TEX14: variants seen among roughly 807,000 people sequenced by gnomAD.
The protein encoded by TEX14 is testis expressed 14, intercellular bridge forming factor, also known as inactive serine/threonine-protein kinase TEX14.
Under a neutral mutation model 178.6 loss-of-function variants are expected in TEX14, and 168 were observed. That is an observed-to-expected ratio of 0.94 (90% CI 0.83 to 1.07). The LOEUF is 1.07. Ranked by LOEUF, TEX14 falls within the 50% of genes least tolerant of loss-of-function variation. The probability of loss-of-function intolerance (pLI) is 0.00; values close to 1 mark genes in which losing one functional copy is unlikely to be tolerated. For missense variants in TEX14, 1,730 were observed against 1,753.6 expected (o/e 0.99, Z 0.24); for synonymous variants, 626 against 634.1 (o/e 0.99, Z 0.19).
chr17:58,616,950 C>T (rs373421046), intron 6 of TEX14, among the ~76,000 whole-genome samples: 65 of 152,280 alleles, frequency 4.3e-4, no homozygotes, highest in Middle Eastern at 6.8e-3. Flanking sequence ...CTCAACACAA[C>T]AAACAGAACG....
At chr17:58,564,473 T>A (rs190872833) in intron 28 of TEX14, among the ~76,000 whole-genome samples, 45 of 152,094 alleles carry the variant, frequency 3.0e-4, no homozygotes, top group Non-Finnish European at 5.9e-4. Context: ...GTCAAACTCA[T>A]AGAAACAAAA....
intron 9 of TEX14, among the ~76,000 whole-genome samples, chr17:58,612,179 A>T (rs1567735050): frequency 1.3e-5 from 2 of 152,152 alleles, no homozygotes; most frequent in Non-Finnish European, 2.9e-5. Flanking sequence ...TATAGAAAAA[A>T]CTGGGAGAGA....
At chr17:58,615,433 G>T (rs1381524765) in intron 7 of TEX14, 88 bp from the exon 8 acceptor site, 2 of 848,962 alleles carry the variant, frequency 2.4e-6, no homozygotes, top group Non-Finnish European at 4.0e-6. Flanking sequence ...AAGGACCAGA[G>T]AAATGGTCTC....
In TEX14 at chr17:58,683,804, C is replaced by T. The variant is rs534853100; in HGVS notation, c.-2+8135G>A. Among the ~76,000 whole-genome samples the T allele has an allele frequency of 1.0e-3, 158 of 151,266 alleles. 1 individual carries two copies. Among genetic ancestry groups the T allele is most frequent in the African/African-American group, 3.5e-3 (145 of 41,194 alleles). ...AGACTTGGTCAGGTGGAGTGGTTCC[C>T]GCCTGTAATCCCAGCACTTTGGGAG... On this transcript the variant is annotated intron_variant, in intron 1 of 31. Coordinates refer to ENST00000349033, the MANE Select transcript of TEX14 (RefSeq NM_031272.5).
chr17:58,654,248 A>C (rs2046902086), intron 1 of TEX14, among the ~76,000 whole-genome samples: 1 of 152,108 alleles, frequency 6.6e-6, no homozygotes, highest in Admixed American at 6.5e-5. Flanking sequence ...GCAAAAACAA[A>C]CCCATTAAGA....
chr17:58,602,558 C>T lies in TEX14; in HGVS notation c.1369G>A (p.Val457Ile). Residue 457 changes from valine (V) to isoleucine (I), a missense_variant, in exon 12 of 32, where the codon GTT (valine) becomes ATT (isoleucine). Val to Ile is a conservative substitution (Grantham distance 29). This residue lies in a region of TEX14 where 789 missense variants were observed against 681.2 expected (regional missense o/e 1.16). Coordinates refer to ENST00000349033, the MANE Select transcript of TEX14 (RefSeq NM_031272.5). ...CCCGAGACTACGGCTTTTTTAACAACTGAGCCATCTAAGCCCTTCCAGGGT... is the reference window on the plus strand; with the variant it reads ...CCCGAGACTACGGCTTTTTTAACAATTGAGCCATCTAAGCCCTTCCAGGGT... ...DIPWKGLDGS[V>I]VKKAVVSGNY... 6.2e-7 allele frequency: 1 copy of T among 1,613,900 alleles called. No homozygotes were observed. Among genetic ancestry groups the T allele is most frequent in the Non-Finnish European group, 8.5e-7 (1 of 1,179,988 alleles).
chr17:58,640,011 AT>A (rs1469791307), intron 2 of TEX14, among the ~76,000 whole-genome samples: 1 of 152,162 alleles, frequency 6.6e-6, no homozygotes, highest in Non-Finnish European at 1.5e-5. Flanking sequence ...GCTGGTATAC[AT>A]AATGGTAATA....
In TEX14 at chr17:58,556,977, T is replaced by A. The variant is rs1281541457; in HGVS notation, c.*34A>T. 1 of 1,594,712 alleles carries A rather than the reference T, an allele frequency of 6.3e-7. No individual in the cohort carries two copies. Among genetic ancestry groups the A allele is most frequent in the Non-Finnish European group, 8.6e-7 (1 of 1,162,456 alleles). On this transcript the variant is annotated 3_prime_UTR_variant, in exon 32 of 32. Transcript: ENST00000349033. ...GAGCTTACAACCAGGACACTCAAAC[T>A]CAGGCCAGGAGTCCGTCTATGATCC...
intron 2 of TEX14, among the ~76,000 whole-genome samples, chr17:58,643,807 G>A (rs533886897): frequency 1.5e-4 from 22 of 142,190 alleles, no homozygotes; most frequent in Non-Finnish European, 1.8e-4. Flanking sequence ...AGGAGGTGGA[G>A]GTTGCAGTGA....
At chr17:58,686,931 G>A (rs906303775) in intron 1 of TEX14, among the ~76,000 whole-genome samples, 1 of 147,204 alleles carries the variant, frequency 6.8e-6, no homozygotes, top group Non-Finnish European at 1.5e-5. Flanking sequence ...TAGAGCGCAG[G>A]GGAGGGATCT....
At chr17:58,647,219 T>C (rs1763540300) in intron 2 of TEX14, among the ~76,000 whole-genome samples, 2 of 151,398 alleles carry the variant, frequency 1.3e-5, no homozygotes, top group South Asian at 2.1e-4. Context: ...ACAATTAAAG[T>C]GACAGAAAAA....
chr17:58,562,062 G>C (rs562226471), intron 28 of TEX14, among the ~76,000 whole-genome samples: 6 of 152,220 alleles, frequency 3.9e-5, no homozygotes, highest in African/African-American at 1.4e-4. Context: ...TCTAGCCTGG[G>C]TGACAGAGCA....
At chr17:58,558,976 C>T (rs922881977) in intron 30 of TEX14, among the ~76,000 whole-genome samples, 3 of 152,082 alleles carry the variant, frequency 2.0e-5, no homozygotes, top group Non-Finnish European at 4.4e-5. Flanking sequence ...TCGAGACCAT[C>T]CTGGCCAACC....
chr17:58,681,667 T>C (rs997169810), intron 1 of TEX14, among the ~76,000 whole-genome samples: 18 of 152,014 alleles, frequency 1.2e-4, no homozygotes, highest in Non-Finnish European at 4.4e-5. Flanking sequence ...CTGGCAAACA[T>C]GGTGAAACCT....
At chr17:58,620,580 G>A (rs543838859) in intron 5 of TEX14, among the ~76,000 whole-genome samples, 78 of 151,862 alleles carry the variant, frequency 5.1e-4, no homozygotes, top group African/African-American at 1.7e-3. Context: ...TGCAACCTCC[G>A]CCTCCTGGGT....
intron 21 of TEX14, 94 bp from the exon 22 acceptor site, chr17:58,574,343 G>C: frequency 1.1e-6 from 1 of 939,234 alleles, no homozygotes. Context: ...TCAGCCCAGT[G>C]TGAGACGCAG....
At chr17:58,618,203 A>G (rs991966015) in intron 5 of TEX14, among the ~76,000 whole-genome samples, 5 of 152,350 alleles carry the variant, frequency 3.3e-5, no homozygotes, top group South Asian at 4.1e-4. Flanking sequence ...TAAAAATTTT[A>G]TTGTTTGAGG....
intron 1 of TEX14, among the ~76,000 whole-genome samples, 152 bp downstream of exon 1, chr17:58,691,787 C>T (rs1313333557): frequency 6.6e-6 from 1 of 152,058 alleles, no homozygotes; most frequent in Non-Finnish European, 1.5e-5. Flanking sequence ...TTGCCTTCCT[C>T]CCCGAAGTTC....
At chr17:58,621,199 TG>T (rs1463470700) in intron 5 of TEX14, among the ~76,000 whole-genome samples, 3 of 152,216 alleles carry the variant, frequency 2.0e-5, no homozygotes, top group Non-Finnish European at 4.4e-5. Context: ...CCCATCCAGC[TG>T]GCAGCAAGTC....
Sources: allele counts gnomAD v4.1 joint callset (sites outside exome capture counted in the v4.1 genomes callset), GRCh38; gene constraint gnomAD v4.1.1; regional missense constraint gnomAD v4.1.1; transcripts MANE v1.5; gene names NCBI Gene and HGNC (gene_info 2026-07-23, HGNC 2026-07-21).